Variants in CNTNAP3B observed in about 807,000 individuals in gnomAD.
CNTNAP3B encodes the protein contactin associated protein family member 3B, also known as contactin-associated protein-like 3B.
In CNTNAP3B, 25 loss-of-function variants were observed where a neutral mutation model predicts 108.9. That is an observed-to-expected ratio of 0.23 (90% CI 0.17 to 0.32). The LOEUF (loss-of-function observed/expected upper bound fraction) is 0.32, where lower values mean the gene tolerates loss of function less well. Ranked by LOEUF, CNTNAP3B falls within the 10% of genes least tolerant of loss-of-function variation. The probability of loss-of-function intolerance (pLI) is 1.00; values close to 1 mark genes in which losing one functional copy is unlikely to be tolerated. For missense variants in CNTNAP3B, 252 were observed against 1,210.4 expected (o/e 0.21, Z 11.75); for synonymous variants, 103 against 473.4 (o/e 0.22, Z 10.16).
chr9:41,975,046 C>T (rs1587167127), intron 9 of CNTNAP3B: 2 of 248,616 alleles, frequency 8.0e-6, no homozygotes, highest in East Asian at 1.4e-4. Flanking sequence ...CCTAGCAGCT[C>T]CTTCCTCACT....
intron 3 of CNTNAP3B, among the ~76,000 whole-genome samples, chr9:42,016,710 C>T (rs1246225713): frequency 2.6e-5 from 4 of 151,922 alleles, no homozygotes; most frequent in Non-Finnish European, 4.4e-5. Context: ...TGAGAGTATA[C>T]AGAATAGTTT....
intron 11 of CNTNAP3B, among the ~76,000 whole-genome samples, chr9:41,963,305 G>A (rs574052844): frequency 1.5e-4 from 23 of 152,276 alleles, no homozygotes; most frequent in East Asian, 5.8e-4. Flanking sequence ...AGGGATGGGC[G>A]AAATATTCCT....
chr9:41,940,281 C>T (rs1447963684), intron 13 of CNTNAP3B, among the ~76,000 whole-genome samples: 1 of 152,288 alleles, frequency 6.6e-6, no homozygotes, highest in Non-Finnish European at 1.5e-5. Context: ...CCAAAAATAT[C>T]GACACCAAGA....
chr9:42,095,888 G>A (rs1587268461), intron 2 of CNTNAP3B, among the ~76,000 whole-genome samples: 1 of 138,136 alleles, frequency 7.2e-6, no homozygotes, highest in South Asian at 2.3e-4. Flanking sequence ...CCAAGTAGAG[G>A]TCAGCACTGC....
intron 14 of CNTNAP3B, 124 bp downstream of exon 14, chr9:41,938,120 A>C (rs1374415761): frequency 1.3e-6 from 1 of 756,196 alleles, no homozygotes; most frequent in East Asian, 2.7e-5. Context: ...CTTGTATTTC[A>C]GCTTGCTTGA....
intron 11 of CNTNAP3B, among the ~76,000 whole-genome samples, chr9:41,961,334 A>G (rs1021853209): frequency 2.0e-5 from 3 of 152,422 alleles, no homozygotes; most frequent in African/African-American, 7.2e-5. Flanking sequence ...GAAAGCATGC[A>G]AACTCTGAAG....
intron 13 of CNTNAP3B, among the ~76,000 whole-genome samples, chr9:41,946,515 AAG>A (rs1367392352): frequency 2.4e-5 from 1 of 42,366 alleles, no homozygotes; most frequent in Non-Finnish European, 5.0e-5. Context: ...AACATGGTGA[AAG>A]AGAAAGTCTC....
chr9:41,945,494 T>A (rs1187772550), intron 13 of CNTNAP3B, among the ~76,000 whole-genome samples: 2 of 152,304 alleles, frequency 1.3e-5, no homozygotes, highest in Admixed American at 1.3e-4. Context: ...GAAACCATCA[T>A]TCTCAGCAAA....
At chr9:41,964,973 AC>A (rs1825224773) in intron 10 of CNTNAP3B, among the ~76,000 whole-genome samples, 1 of 152,270 alleles carries the variant, frequency 6.6e-6, no homozygotes, top group Admixed American at 6.5e-5. Context: ...ATGCTCAGTT[AC>A]TATATTGTGG....
chr9:41,945,510 G>C (rs1453761474), intron 13 of CNTNAP3B, among the ~76,000 whole-genome samples: 1 of 152,294 alleles, frequency 6.6e-6, no homozygotes, highest in East Asian at 1.9e-4. Flanking sequence ...GCAAACTATC[G>C]CAAGGACAAA....
At position 42,057,491 on chromosome 9, in the gene CNTNAP3B, C is replaced by T. The variant is rs555171242; in HGVS notation, c.390+19378G>A. On this transcript the variant is annotated intron_variant, in intron 3 of 23. Coordinates refer to ENST00000377561, the MANE Select transcript of CNTNAP3B (RefSeq NM_001201380.3). ...AAGTGCTGGAATTACAGGCCTGAGC[C>T]ACCGCATCCAGCCTCTAGGTATTTT... Among the ~76,000 whole-genome samples the T allele has an allele frequency of 6.6e-4, 83 of 125,716 alleles. 14 individuals carry two copies. Among genetic ancestry groups the T allele is most frequent in the Non-Finnish European group, 1.2e-3 (72 of 59,904 alleles). The allele number at this position is 125,716 out of a possible 152,430, so 82.5% of individuals were successfully genotyped here.
intron 1 of CNTNAP3B, among the ~76,000 whole-genome samples, chr9:42,108,115 C>T (rs1355255324): frequency 7.2e-6 from 1 of 138,922 alleles, no homozygotes; most frequent in Non-Finnish European, 1.5e-5. Flanking sequence ...AAGAATTGTA[C>T]ACTACTGAGT....
At chr9:42,029,267 CA>C (rs1006742174) in intron 3 of CNTNAP3B, among the ~76,000 whole-genome samples, 1 of 114,384 alleles carries the variant, frequency 8.7e-6, no homozygotes, top group East Asian at 3.4e-4. Flanking sequence ...AGTAATTAAA[CA>C]AAAAAGTTCC....
chr9:42,032,901 A>T (rs928443352), intron 3 of CNTNAP3B, among the ~76,000 whole-genome samples: 7 of 135,198 alleles, frequency 5.2e-5, no homozygotes, highest in African/African-American at 1.8e-4. Context: ...CTCTCTTCCT[A>T]TAAGACCACC....
intron 12 of CNTNAP3B, among the ~76,000 whole-genome samples, chr9:41,958,697 T>C (rs1824956230): frequency 6.8e-6 from 1 of 147,272 alleles, no homozygotes; most frequent in Non-Finnish European, 1.5e-5. Context: ...GGTTAGGCTC[T>C]GAAAACAAAA....
chr9:42,043,096 T>A (rs1826798240), intron 3 of CNTNAP3B, among the ~76,000 whole-genome samples: 1 of 145,354 alleles, frequency 6.9e-6, no homozygotes, highest in South Asian at 2.2e-4. Flanking sequence ...ATGACAACCA[T>A]AATCAACTTC....
At chr9:41,944,974 T>C (rs1310149430) in intron 13 of CNTNAP3B, among the ~76,000 whole-genome samples, 3 of 151,078 alleles carry the variant, frequency 2.0e-5, no homozygotes, top group Non-Finnish European at 4.5e-5. Flanking sequence ...CAGACACTTC[T>C]CAAAAGAAGA....
rs558128365 is a variant in CNTNAP3B, at chr9:42,024,769, T to G, written c.391-11244A>C. On this transcript the variant is annotated intron_variant, in intron 3 of 23. Transcript: ENST00000377561. ...CTTCCCAACTCAAAGGTTTCCTCAT[T>G]ATGTCAATTTTGCACACTAGTTTGC... Among the ~76,000 whole-genome samples, 22 of 145,570 alleles carry G rather than the reference T, an allele frequency of 1.5e-4. No individual in the cohort carries two copies. The South Asian group carries it at 4.7e-3, about 31-fold the overall frequency.
At chr9:41,943,999 C>G (rs889609395) in intron 13 of CNTNAP3B, among the ~76,000 whole-genome samples, 1 of 152,134 alleles carries the variant, frequency 6.6e-6, no homozygotes, top group African/African-American at 2.4e-5. Flanking sequence ...TGCCAGATTT[C>G]CCTTAAGAAA....
Sources: allele counts gnomAD v4.1 joint callset (sites outside exome capture counted in the v4.1 genomes callset), GRCh38; gene constraint gnomAD v4.1.1; transcripts MANE v1.5; gene names NCBI Gene and HGNC (gene_info 2026-07-23, HGNC 2026-07-21).